Variants in IPO7 observed in about 807,000 individuals in gnomAD.
The protein encoded by IPO7 is importin-7.
Under a neutral mutation model 136.4 loss-of-function variants are expected in IPO7, and 13 were observed. The ratio of observed to expected loss-of-function variants is 0.10; its 90% confidence interval spans 0.06 to 0.15. The LOEUF is 0.15. Ranked by LOEUF, IPO7 falls within the 10% of genes least tolerant of loss-of-function variation. IPO7 has a pLI of 1.00. For synonymous variants in IPO7, 403 were observed against 404.4 expected, an observed-to-expected ratio of 1.00 and a Z score of 0.04; for missense variants, 857 against 1,240.6, an observed-to-expected ratio of 0.69 and a Z score of 4.65.
intron 2 of IPO7, among the ~76,000 whole-genome samples, chr11:9,408,141 T>C (rs1390506031): frequency 6.6e-6 from 1 of 152,200 alleles, no homozygotes; most frequent in African/African-American, 2.4e-5. Flanking sequence ...TGGTTTTGTC[T>C]TTAGAGGCTT....
At chr11:9,396,862 G>T (rs893493027) in intron 1 of IPO7, among the ~76,000 whole-genome samples, 2 of 152,090 alleles carry the variant, frequency 1.3e-5, no homozygotes, top group African/African-American at 4.8e-5. Context: ...ACAGTATTAT[G>T]AGTAATGCTG....
intron 24 of IPO7, among the ~76,000 whole-genome samples, chr11:9,443,772 T>C (rs1007662120): frequency 3.3e-5 from 5 of 151,644 alleles, no homozygotes; most frequent in African/African-American, 1.2e-4. Flanking sequence ...TGGTGGTGCA[T>C]GCCTGTAGTC....
intron 1 of IPO7, among the ~76,000 whole-genome samples, chr11:9,396,131 C>T (rs914204282): frequency 3.7e-4 from 57 of 152,058 alleles, no homozygotes; most frequent in Admixed American, 3.7e-3. Context: ...CGTGGTGGCT[C>T]ACCCCTATAA....
chr11:9,419,560 ATAT>A (rs1327557096), intron 6 of IPO7, among the ~76,000 whole-genome samples: 41 of 81,744 alleles, frequency 5.0e-4, no homozygotes, highest in South Asian at 8.0e-4. Flanking sequence ...AAAAAAAAAA[ATAT>A]ATATATATAT....
At chr11:9,388,998 TAATA>T (rs1854590624) in intron 1 of IPO7, among the ~76,000 whole-genome samples, 1 of 152,056 alleles carries the variant, frequency 6.6e-6, no homozygotes, top group Admixed American at 6.5e-5. Flanking sequence ...GTTATAATAT[TAATA>T]AATAACAGTA....
chr11:9,417,273 TA>T (rs901743938), intron 6 of IPO7, 125 bp downstream of exon 6: 3 of 491,660 alleles, frequency 6.1e-6, no homozygotes, highest in Middle Eastern at 5.3e-4. Context: ...TATTTTTTTC[TA>T]GATTAGAGGT....
intron 5 of IPO7, 36 bp downstream of exon 5, chr11:9,414,447 T>C: frequency 7.2e-7 from 1 of 1,393,810 alleles, no homozygotes; most frequent in Non-Finnish European, 9.9e-7. Flanking sequence ...GCATAAAAAG[T>C]TAGTCTGTCA....
chr11:9,433,365 C>A lies in IPO7; in HGVS notation c.1882-205C>A. 3 of 516,052 alleles carry A rather than the reference C, an allele frequency of 5.8e-6. No homozygotes were observed. The South Asian group carries it at 9.3e-5, about 16-fold the overall frequency. The allele number at this position is 516,052 out of a possible 1,614,324, so 32.0% of individuals were successfully genotyped here. On this transcript the variant is annotated intron_variant, in intron 16 of 24. Coordinates refer to ENST00000379719, the MANE Select transcript of IPO7 (RefSeq NM_006391.3). ...TTTAGGTAAATTAAGCTAGCCATTC[C>A]TTGTGTTTTTCTCATTGTAATGGTA...
Position 9,429,148 on chromosome 11 carries a change from G to T in IPO7, c.1543G>T (p.Val515Leu). The T allele has an allele frequency of 6.2e-7, 1 of 1,614,058 alleles. No individual in the cohort carries two copies. The highest frequency in any genetic ancestry group is 8.5e-7 in the Non-Finnish European group (1 of 1,179,936). The change falls in exon 14 of 25, where the codon GTG (valine) becomes TTG (leucine). Residue 515 changes from valine to leucine, a missense_variant. Physicochemically the swap from Val to Leu is conservative, Grantham distance 32. Coordinates refer to ENST00000379719, the MANE Select transcript of IPO7 (RefSeq NM_006391.3). ...TGATGATAGAGAAATGCCTGTGAAA[G>T]TGGAAGCTGCCATTGCCCTTCAAGT... ...LIDDREMPVK[V>L]EAAIALQVLI... is the part of the protein sequence containing the mutation.
In IPO7 at chr11:9,427,142, G is replaced by C. The variant is rs111969761; in HGVS notation, c.1336-1398G>C. On this transcript the variant is annotated intron_variant, in intron 12 of 24. Transcript: ENST00000379719. ...CAGGATTACAGGCGTGAGCCACTGT[G>C]CCTGGCCCTTGCCCATTTTTAATTG... 7.7e-3 allele frequency among the ~76,000 whole-genome samples: 1,166 copies of C among 152,000 alleles called. 14 individuals are homozygous for C. The highest frequency in any genetic ancestry group is 0.026 in the African/African-American group (1,087 of 41,462).
chr11:9,438,058 T>TG (rs1489161822), intron 21 of IPO7, 22 bp from the exon 22 acceptor site: 42 of 501,324 alleles, frequency 8.4e-5, no homozygotes, highest in Non-Finnish European at 1.1e-4. Flanking sequence ...TTTTTTTTTT[T>TG]TTTTTTTTTT....
chr11:9,427,878 C>T (rs946845664), intron 12 of IPO7, among the ~76,000 whole-genome samples: 3 of 152,162 alleles, frequency 2.0e-5, no homozygotes, highest in Non-Finnish European at 2.9e-5. Flanking sequence ...TCTCACATTG[C>T]ATTAAGTTGT....
intron 1 of IPO7, among the ~76,000 whole-genome samples, chr11:9,397,851 A>T (rs1355343620): frequency 1.3e-5 from 2 of 152,180 alleles, no homozygotes; most frequent in Non-Finnish European, 2.9e-5. Flanking sequence ...GTTGTTTTAT[A>T]TACTCCTTGT....
chr11:9,427,899 T>C (rs1855235726), intron 12 of IPO7, among the ~76,000 whole-genome samples: 1 of 152,216 alleles, frequency 6.6e-6, no homozygotes, highest in African/African-American at 2.4e-5. Flanking sequence ...CATGTCTGAT[T>C]ATGTAAGTGT....
intron 1 of IPO7, chr11:9,402,755 A>C (rs1854819312): frequency 6.4e-6 from 1 of 155,458 alleles, no homozygotes; most frequent in South Asian, 2.0e-4. Context: ...CAGGAGGCTG[A>C]GGAAGGAGAA....
rs532969301 is a variant in IPO7, at chr11:9,394,651, C to A, written c.85-8639C>A. Among the ~76,000 whole-genome samples the A allele has an allele frequency of 5.9e-5, 9 of 152,264 alleles. No homozygotes were observed. The South Asian group carries it at 1.7e-3, about 28-fold the overall frequency. On this transcript the variant is annotated intron_variant, in intron 1 of 24. Transcript: ENST00000379719. ...CAATTCATTTTTATCTTTCACTGTTCAAAGTCTTCTCTGATTTCTGAGTTT... is the reference window on the plus strand; with the variant it reads ...CAATTCATTTTTATCTTTCACTGTTAAAAGTCTTCTCTGATTTCTGAGTTT...
chr11:9,405,382 G>A (rs1194977648), intron 2 of IPO7, among the ~76,000 whole-genome samples: 2 of 152,052 alleles, frequency 1.3e-5, no homozygotes, highest in African/African-American at 2.4e-5. Context: ...CACCGTGTTA[G>A]CCAGGATGGT....
Position 9,437,842 on chromosome 11 carries a change from C to A in IPO7, c.2357C>A (p.Ala786Glu). The A allele has an allele frequency of 6.2e-7, 1 of 1,613,532 alleles. No homozygotes were observed. The highest frequency in any genetic ancestry group is 8.5e-7 in the Non-Finnish European group (1 of 1,179,488). The change falls in exon 21 of 25, where the codon GCA becomes GAA. Residue 786 changes from alanine (A) to glutamate (E), a missense_variant. Around this residue, in one of 11 missense-constraint regions of IPO7, gnomAD observed 190 missense variants for 249.0 expected, o/e 0.76. Coordinates refer to ENST00000379719, the MANE Select transcript of IPO7 (RefSeq NM_006391.3). ...SELRTMCLQV[A>E]IAALYYNPHL... ...CTTCGAACTATGTGTCTGCAAGTTG[C>A]AATTGCAGCTTTGTATTATAATCCA...
chr11:9,420,051 C>T (rs1403280496), intron 6 of IPO7, among the ~76,000 whole-genome samples: 1 of 152,124 alleles, frequency 6.6e-6, no homozygotes, highest in Non-Finnish European at 1.5e-5. Flanking sequence ...AGGCCAGGTG[C>T]AGTGGCGCAC....
Sources: allele counts gnomAD v4.1 joint callset (sites outside exome capture counted in the v4.1 genomes callset), GRCh38; gene constraint gnomAD v4.1.1; regional missense constraint gnomAD v4.1.1; transcripts MANE v1.5; gene names NCBI Gene and HGNC (gene_info 2026-07-23, HGNC 2026-07-21).